The following RTN4 variants were observed in gnomAD, a reference collection of about 807,000 sequenced individuals.
RTN4 encodes the protein reticulon-4.
In RTN4, 32 loss-of-function variants were observed where a neutral mutation model predicts 90.4. That is an observed-to-expected ratio of 0.35 (90% CI 0.27 to 0.48). The LOEUF is 0.48. Ranked by LOEUF, RTN4 falls within the 20% of genes least tolerant of loss-of-function variation. The pLI is 0.99. For missense variants in RTN4, 1,706 were observed against 1,430.2 expected, an observed-to-expected ratio of 1.19 and a Z score of -3.11; for synonymous variants, 629 against 552.5, an observed-to-expected ratio of 1.14 and a Z score of -1.94.
the RTN4 span, among the ~76,000 whole-genome samples, chr2:55,118,455 AC>A: frequency 6.6e-6 from 1 of 151,318 alleles, no homozygotes; most frequent in Non-Finnish European, 1.5e-5. Context: ...ATGGAGCAAG[AC>A]CCTGTCTCAA....
intron 5 of RTN4, among the ~76,000 whole-genome samples, chr2:54,978,287 G>T (rs1338156210): frequency 2.0e-5 from 3 of 151,992 alleles, no homozygotes; most frequent in East Asian, 1.9e-4. Context: ...AAAATTAGCT[G>T]GGCGTGGTGG....
intron 2 of RTN4, among the ~76,000 whole-genome samples, chr2:55,077,501 C>G (rs758285534): frequency 2.0e-5 from 3 of 152,098 alleles, no homozygotes; most frequent in Non-Finnish European, 2.9e-5. Flanking sequence ...AAAGGAAACA[C>G]TTTTACATTG....
intron 3 of RTN4, among the ~76,000 whole-genome samples, chr2:55,012,955 T>C (rs954194838): frequency 6.6e-6 from 1 of 152,212 alleles, no homozygotes; most frequent in Non-Finnish European, 1.5e-5. Context: ...TATCTTCATT[T>C]ATTTTGTTTT....
intron 3 of RTN4, among the ~76,000 whole-genome samples, chr2:55,019,420 G>C (rs1387576344): frequency 6.6e-6 from 1 of 152,160 alleles, no homozygotes; most frequent in South Asian, 2.1e-4. Flanking sequence ...ATCTGCAAGG[G>C]AGAAACAAAG....
At position 55,072,279 on chromosome 2, in the gene RTN4, G is replaced by A. The variant is rs569353860; in HGVS notation, c.-63+8210C>T. ...GAGCCTCGTTCTGTCTCCCAGGCTG[G>A]AGTGCAGTGGCGCGATCTCTGCTCA... On this transcript the variant is annotated intron_variant, in intron 2 of 3. Transcript: ENST00000427710. 1.8e-3 allele frequency among the ~76,000 whole-genome samples: 280 copies of A among 151,460 alleles called. 1 individual carries two copies. Among genetic ancestry groups the A allele is most frequent in the Non-Finnish European group, 3.5e-3 (238 of 67,942 alleles).
intron 1 of RTN4, among the ~76,000 whole-genome samples, chr2:55,043,787 G>A (rs1170308574): frequency 6.6e-6 from 1 of 152,156 alleles, no homozygotes; most frequent in African/African-American, 2.4e-5. Context: ...TCGGGAGGCT[G>A]AGGCAGGAGA....
chr2:55,017,595 G>A (rs1426111084), intron 3 of RTN4, among the ~76,000 whole-genome samples: 1 of 152,124 alleles, frequency 6.6e-6, no homozygotes, highest in Non-Finnish European at 1.5e-5. Flanking sequence ...GTGCATTAGT[G>A]ACAAGCAACC....
upstream of RTN4, among the ~76,000 whole-genome samples, chr2:55,052,844 T>A (rs187595591): frequency 6.6e-6 from 1 of 152,210 alleles, no homozygotes; most frequent in South Asian, 2.1e-4. Flanking sequence ...CTATGACTGT[T>A]CTGAAATTCC....
upstream of RTN4, among the ~76,000 whole-genome samples, chr2:55,114,352 G>A (rs758108286): frequency 9.3e-4 from 141 of 152,158 alleles, 1 homozygote; most frequent in Non-Finnish European, 2.1e-4. Flanking sequence ...GAAGGGGATG[G>A]AGCTGGAAAG....
intron 1 of RTN4, among the ~76,000 whole-genome samples, chr2:55,048,724 T>C (rs1404194764): frequency 6.6e-6 from 1 of 152,198 alleles, no homozygotes; most frequent in Non-Finnish European, 1.5e-5. Context: ...TGAAAAACAG[T>C]ATTTCTAACC....
At chr2:55,115,077 GTA>G (rs58408475), upstream of RTN4, among the ~76,000 whole-genome samples, 2,740 of 152,264 alleles carry the variant, frequency 0.018, 84 homozygotes, top group African/African-American at 0.063. Context: ...CATATTCTTG[GTA>G]TATGGGTTAA....
At chr2:54,986,655 G>A (rs1678583636) in intron 4 of RTN4, among the ~76,000 whole-genome samples, 1 of 152,192 alleles carries the variant, frequency 6.6e-6, no homozygotes, top group African/African-American at 2.4e-5. Context: ...TGGTAGTGGT[G>A]TTATGGATAG....
At position 55,050,125 on chromosome 2, in the gene RTN4, G is replaced by A; in HGVS notation, c.176C>T (p.Pro59Leu). Residue 59 changes from proline (P) to leucine (L), a missense_variant, in exon 1 of 9, where the codon CCC becomes CTC. By Grantham distance (98) the Pro-to-Leu change is moderately conservative. Coordinates refer to ENST00000337526, the MANE Select transcript of RTN4 (RefSeq NM_020532.5). This position sits in a 1 kb window ranked among gnomAD's most constrained non-coding sequence, Gnocchi z 4.6. ...LEELEVLERK[P>L]AAGLSAAPVP... ...TGGGGCCGCGGACAGCCCGGCGGCG[G>A]GCTTCCTCTCCAGCACCTCCAGCTC... 1 of 1,516,100 alleles carries A rather than the reference G, an allele frequency of 6.6e-7. No individual in the cohort carries two copies. The highest frequency in any genetic ancestry group is 1.2e-5 in the South Asian group (1 of 82,288). The allele number at this position is 1,516,100 out of a possible 1,614,324, so 93.9% of individuals were successfully genotyped here.
intron 1 of RTN4, among the ~76,000 whole-genome samples, chr2:55,112,133 G>C (rs1406176779): frequency 6.6e-6 from 1 of 152,210 alleles, no homozygotes; most frequent in African/African-American, 2.4e-5. Flanking sequence ...CCCCTGTGGG[G>C]GAGCGTGTTC....
At chr2:55,070,165 G>A (rs572024530) in intron 2 of RTN4, among the ~76,000 whole-genome samples, 1 of 152,184 alleles carries the variant, frequency 6.6e-6, no homozygotes, top group South Asian at 2.1e-4. Context: ...TATGGGGGCT[G>A]TCTTGTGCAT....
intron 2 of RTN4, among the ~76,000 whole-genome samples, chr2:55,071,651 G>A (rs193124560): frequency 2.0e-5 from 3 of 151,404 alleles, no homozygotes; most frequent in African/African-American, 7.3e-5. Flanking sequence ...ACTTCAGACT[G>A]TCAATTTATA....
At chr2:55,051,722 C>G (rs914833251), upstream of RTN4, among the ~76,000 whole-genome samples, 8 of 152,168 alleles carry the variant, frequency 5.3e-5, no homozygotes, top group Non-Finnish European at 1.2e-4. Context: ...ATTAGATGTG[C>G]TGTAAGTGTA....
chr2:55,024,489 C>T (rs1291278871), intron 3 of RTN4, among the ~76,000 whole-genome samples: 2 of 152,140 alleles, frequency 1.3e-5, no homozygotes, highest in East Asian at 1.9e-4. Flanking sequence ...TGCAAATCAC[C>T]TTATGCAAAT....
rs77653090 is a variant in RTN4 at position 55,092,238 on chromosome 2, CTT to C, written c.-213-11601_-213-11600del. 6.2e-3 allele frequency among the ~76,000 whole-genome samples: 857 copies of C among 137,304 alleles called. 3 individuals carry two copies. The highest frequency in any genetic ancestry group is 0.011 in the Non-Finnish European group (678 of 62,930). 90.1% of individuals were successfully genotyped at this position (137,304 alleles called of 152,430 possible). On this transcript the variant is annotated intron_variant, in intron 1 of 3. Coordinates refer to the RTN4 transcript ENST00000427710. ...GAAGGGAGAGATTTTTTTTTCTTTT[CTT>C]TTTTTTTTTTTCGAGTTGGAGTTTC...
Sources: gnomAD v4.1 joint callset for allele counts (sites outside exome capture counted in the v4.1 genomes callset) on GRCh38, gnomAD v4.1.1 for gene constraint, Gnocchi (gnomAD v3.1) non-coding constraint, MANE v1.5 for transcripts, NCBI Gene and HGNC (gene_info 2026-07-23, HGNC 2026-07-21) for gene names.